The following UGT1A10 variants were observed in gnomAD, a reference collection of about 807,000 sequenced individuals.
UGT1A10 encodes UDP glucuronosyltransferase family 1 member A10.
A neutral mutation model predicts 45.8 loss-of-function variants in UGT1A10; 49 were observed. The observed-to-expected ratio is 1.07, with a 90% CI of 0.85 to 1.36. The LOEUF is 1.36. Ranked by LOEUF, UGT1A10 falls within the 40% of genes most tolerant of loss-of-function variation. The pLI, the probability that UGT1A10 is intolerant of heterozygous loss-of-function variation, is 0.00. For synonymous variants in UGT1A10, 284 were observed against 249.7 expected (o/e 1.14, Z -1.29); for missense variants, 745 against 668.6 (o/e 1.11, Z -1.26).
At chr2:233,744,211 G>A (rs1692734898) in intron 1 of UGT1A10, among the ~76,000 whole-genome samples, 1 of 151,828 alleles carries the variant, frequency 6.6e-6, no homozygotes, top group African/African-American at 2.4e-5. Context: ...GGGAAAAAGA[G>A]GTTGGGGAAA....
Position 233,744,060 on chromosome 2 carries a change from C to A in UGT1A10, c.856-22974C>A, listed in dbSNP as rs1280590393. 1.7e-5 allele frequency: 10 copies of A among 571,720 alleles called. No homozygotes were observed. The African/African-American group carries it at 2.0e-4, about 11-fold the overall frequency. 35.4% of individuals were successfully genotyped at this position (571,720 alleles called of 1,614,324 possible). On this transcript the variant is annotated intron_variant, in intron 1 of 4. Coordinates refer to ENST00000344644, the MANE Select transcript of UGT1A10 (RefSeq NM_019075.4). Reference sequence around the variant, plus strand: ...CGCAGCCACATCTCATTGGTCGAGGCCTATGAGCGCCTCGCATCCCAAGAT... The same window carrying A: ...CGCAGCCACATCTCATTGGTCGAGGACTATGAGCGCCTCGCATCCCAAGAT...
chr2:233,760,336 C>A (rs1472715638), intron 1 of UGT1A10: 1 of 1,614,048 alleles, frequency 6.2e-7, no homozygotes. Context: ...GGGCCTGCTG[C>A]TGTGTGTGCT....
At chr2:233,720,428 A>C (rs1040145834) in intron 1 of UGT1A10, among the ~76,000 whole-genome samples, 1 of 152,036 alleles carries the variant, frequency 6.6e-6, no homozygotes, top group Non-Finnish European at 1.5e-5. Context: ...AGGAGATAAG[A>C]CCGTGAATCT....
chr2:233,736,234 T>G (rs1035352456), intron 1 of UGT1A10, among the ~76,000 whole-genome samples: 1 of 152,188 alleles, frequency 6.6e-6, no homozygotes, highest in Admixed American at 6.5e-5. Context: ...TCTCTAACCT[T>G]GTCTTCTCAC....
intron 1 of UGT1A10, among the ~76,000 whole-genome samples, chr2:233,710,240 A>G (rs2076121731): frequency 6.6e-6 from 1 of 152,210 alleles, no homozygotes; most frequent in Non-Finnish European, 1.5e-5. Context: ...CTATTCGAGT[A>G]CGAGTGTTTC....
intron 1 of UGT1A10, among the ~76,000 whole-genome samples, chr2:233,758,575 A>G (rs1696915636): frequency 6.6e-6 from 1 of 152,204 alleles, no homozygotes; most frequent in African/African-American, 2.4e-5. Context: ...TAAAAAATGA[A>G]GAGTGTTTGG....
intron 1 of UGT1A10, chr2:233,755,026 G>A (rs776900288): frequency 1.5e-6 from 2 of 1,306,986 alleles, no homozygotes; most frequent in Non-Finnish European, 2.1e-6. Context: ...TCCTTGAAGG[G>A]CCTGCCGCCT....
chr2:233,688,406 G>A (rs1316718631), intron 1 of UGT1A10, among the ~76,000 whole-genome samples: 1 of 151,990 alleles, frequency 6.6e-6, no homozygotes, highest in Non-Finnish European at 1.5e-5. Context: ...TCTAATTTTC[G>A]AGCCCATGTG....
In UGT1A10 at chr2:233,769,692, A is replaced by G; in HGVS notation, c.1295+1253A>G. On this transcript the variant is annotated intron_variant, in intron 4 of 4. Transcript: ENST00000344644. The surrounding 1 kb of genome is among the most constrained non-coding windows in gnomAD (Gnocchi z 4.4). ...GCTAATGTGTGTGTGGTGGCACTGG[A>G]TAAAAGATCAATGTTGGCTAGGCAC... 1.9e-6 allele frequency: 3 copies of G among 1,542,672 alleles called. No individual in the cohort carries two copies. Among genetic ancestry groups the G allele is most frequent in the Non-Finnish European group, 2.6e-6 (3 of 1,143,658 alleles).
intron 1 of UGT1A10, among the ~76,000 whole-genome samples, chr2:233,730,211 C>G (rs186476397): frequency 6.6e-6 from 1 of 152,112 alleles, no homozygotes; most frequent in East Asian, 1.9e-4. Flanking sequence ...GAAGTAGACA[C>G]GAATGTTTGT....
At chr2:233,660,394 A>T (rs1171264302) in intron 1 of UGT1A10, among the ~76,000 whole-genome samples, 3 of 152,164 alleles carry the variant, frequency 2.0e-5, no homozygotes, top group Non-Finnish European at 4.4e-5. Flanking sequence ...TGTTGAATTC[A>T]TGGGGTTCTG....
chr2:233,748,114 A>C (rs1473997500), intron 1 of UGT1A10: 1 of 1,611,788 alleles, frequency 6.2e-7, no homozygotes, highest in East Asian at 2.2e-5. Flanking sequence ...TCAATGTTCC[A>C]GGCAAAACAG....
intron 1 of UGT1A10, chr2:233,730,016 A>G (rs763607059): frequency 4.4e-5 from 71 of 1,613,718 alleles, no homozygotes; most frequent in Non-Finnish European, 5.8e-5. Flanking sequence ...GCCTTCATCC[A>G]ATCAATGTTC....
At chr2:233,684,576 A>C (rs2074685717) in intron 1 of UGT1A10, among the ~76,000 whole-genome samples, 1 of 152,184 alleles carries the variant, frequency 6.6e-6, no homozygotes, top group South Asian at 2.1e-4. Flanking sequence ...AAAATATGAA[A>C]CATTGAGCCA....
In UGT1A10 at chr2:233,719,646, A is replaced by C. The variant is rs147342917; in HGVS notation, c.856-47388A>C. The stretch of plus-strand genomic sequence containing the variant: ...GCCGATCATGCCCAACATGGTCTTC[A>C]TTGGGGGCATCAACTGTGCCAACGG... On this transcript the variant is annotated intron_variant, in intron 1 of 4. Transcript: ENST00000344644. 2.8e-3 allele frequency: 4,509 copies of C among 1,613,986 alleles called. 13 individuals carry two copies. Among genetic ancestry groups the C allele is most frequent in the Non-Finnish European group, 3.7e-3 (4,328 of 1,179,976 alleles).
At chr2:233,663,168 A>C (rs1901815) in intron 1 of UGT1A10, among the ~76,000 whole-genome samples, 1 of 152,098 alleles carries the variant, frequency 6.6e-6, no homozygotes, top group Non-Finnish European at 1.5e-5. Context: ...TGGTGTAACC[A>C]CCCGGGGGAT....
At chr2:233,759,612 A>G (rs992811783) in intron 1 of UGT1A10, among the ~76,000 whole-genome samples, 1 of 32,716 alleles carries the variant, frequency 3.1e-5, no homozygotes, top group African/African-American at 8.8e-5. Flanking sequence ...CGCCCCACCC[A>G]CCCACCTGTT....
chr2:233,694,309 T>G (rs1192697951), intron 1 of UGT1A10, among the ~76,000 whole-genome samples: 3 of 152,040 alleles, frequency 2.0e-5, no homozygotes, highest in Non-Finnish European at 2.9e-5. Context: ...TTTTTGTTTT[T>G]TTTTTTCCTT....
Position 233,672,618 on chromosome 2 carries a change from A to G in UGT1A10, c.855+35241A>G, listed in dbSNP as rs146422336. Reference sequence around the variant, plus strand: ...GCCACCGTTTTTTCAAAAATGCCCTAGAAATAGCCTCTGAAATTCTCCAAA... The same window carrying G: ...GCCACCGTTTTTTCAAAAATGCCCTGGAAATAGCCTCTGAAATTCTCCAAA... On this transcript the variant is annotated intron_variant, in intron 1 of 4. Coordinates refer to ENST00000344644, the MANE Select transcript of UGT1A10 (RefSeq NM_019075.4). The G allele has an allele frequency of 1.5e-5, 24 of 1,613,918 alleles. No homozygotes were observed. In the African/African-American group the frequency reaches 2.8e-4, roughly 19 times the overall value.
Sources: gnomAD v4.1 joint callset for allele counts (sites outside exome capture counted in the v4.1 genomes callset) on GRCh38, gnomAD v4.1.1 for gene constraint, Gnocchi (gnomAD v3.1) non-coding constraint, MANE v1.5 for transcripts, NCBI Gene and HGNC (gene_info 2026-07-23, HGNC 2026-07-21) for gene names.